KANK3: variants seen among roughly 807,000 people sequenced by gnomAD.
The protein encoded by KANK3 is KN motif and ankyrin repeat domain-containing protein 3.
A neutral mutation model predicts 65.4 loss-of-function variants in KANK3; 61 were observed. That is an observed-to-expected ratio of 0.93 (90% CI 0.76 to 1.15). The LOEUF is 1.15. Among genes scored for constraint, KANK3 ranks in the 50% most tolerant of loss-of-function variants. The pLI, the probability that KANK3 is intolerant of heterozygous loss-of-function variation, is 0.00. For synonymous variants in KANK3, 586 were observed against 543.3 expected (o/e 1.08, Z -1.09); for missense variants, 1,187 against 1,178.8 (o/e 1.01, Z -0.10).
intron 1 of KANK3, among the ~76,000 whole-genome samples, chr19:8,340,668 C>T (rs1970712865): frequency 6.6e-6 from 1 of 152,178 alleles, no homozygotes; most frequent in Admixed American, 6.6e-5. Context: ...TGAGCACCCA[C>T]CAGCCCTCCT....
intron 10 of KANK3, among the ~76,000 whole-genome samples, chr19:8,324,078 C>T (rs1383440298): frequency 1.3e-5 from 2 of 152,214 alleles, no homozygotes; most frequent in Non-Finnish European, 2.9e-5. Context: ...GACTCAGTCT[C>T]ATGACCTGGG....
chr19:8,332,987 T>TTCCCCCCCCCCCCCC, intron 7 of KANK3, 27 bp downstream of exon 7: 1 of 395,198 alleles, frequency 2.5e-6, no homozygotes, highest in Non-Finnish European at 4.8e-6. Context: ...TTTCCTGGTG[T>TTCCCCCCCCCCCCCC]CCCACCCACC....
intron 2 of KANK3, among the ~76,000 whole-genome samples, chr19:8,336,583 TATACAC>T (rs748942966): frequency 7.1e-5 from 8 of 112,130 alleles, no homozygotes; most frequent in Admixed American, 1.0e-4. Context: ...AAAATATATA[TATACAC>T]ATATACATAT....
rs374896220 is a variant in KANK3 at position 8,324,529 on chromosome 19, C to T, written c.2302G>A (p.Ala768Thr). The T allele has an allele frequency of 5.9e-5, 96 of 1,613,652 alleles. No individual in the cohort carries two copies. The highest frequency in any genetic ancestry group is 7.7e-5 in the Non-Finnish European group (91 of 1,179,870). Residue 768 changes from alanine (A) to threonine (T), a missense_variant, in exon 10 of 11, where the codon GCC (alanine) becomes ACC (threonine). Physicochemically the swap from Ala to Thr is moderately conservative, Grantham distance 58. Transcript: ENST00000330915. ...TCCTGCTCAGCCTCCAGGGCGATGG[C>T]CAGGGCACTGGTGCCCTCCTGTGGA... Reference protein sequence around the residue: ...ILDNEGTSALAIALEAEQDEV... With the variant: ...ILDNEGTSALTIALEAEQDEV...
intron 7 of KANK3, among the ~76,000 whole-genome samples, chr19:8,326,488 A>T (rs1205442646): frequency 5.5e-4 from 14 of 25,280 alleles, no homozygotes; most frequent in Non-Finnish European, 2.3e-4. Context: ...TTGTAAAAAA[A>T]AAAAAAAAAA....
chr19:8,327,785 TG>T (rs1346209280), intron 7 of KANK3, among the ~76,000 whole-genome samples: 1 of 152,062 alleles, frequency 6.6e-6, no homozygotes, highest in East Asian at 1.9e-4. Context: ...AAAAAGGGGT[TG>T]GGGGGACGTT....
intron 7 of KANK3, 50 bp downstream of exon 7, chr19:8,332,964 C>CT: frequency 7.8e-7 from 1 of 1,289,916 alleles, no homozygotes. Flanking sequence ...CCCCTGCCCT[C>CT]TCCCCCCACC....
intron 10 of KANK3, 25 bp downstream of exon 10, chr19:8,324,422 GTT>G: frequency 1.3e-6 from 2 of 1,557,744 alleles, no homozygotes; most frequent in South Asian, 1.2e-5. Flanking sequence ...AGCTGGGAAA[GTT>G]TGTTTCTTCC....
rs773417305 is a variant in KANK3 at position 8,333,739 on chromosome 19, T to A, written c.1704A>T (p.Gly568=). The A allele has an allele frequency of 6.8e-7, 1 of 1,466,110 alleles. No individual in the cohort carries two copies. The highest frequency in any genetic ancestry group is 1.4e-5 in the South Asian group (1 of 73,562). 90.8% of individuals were successfully genotyped at this position (1,466,110 alleles called of 1,614,324 possible). A position where few individuals can be genotyped will look rare whatever the true frequency, so the allele number is the denominator to read the frequency against. ...GGGCACTCACGCCGTCGCTGGCTAC[T>A]CCGCGGGGCCGGCTCAGCTGCCGCT... The part of the protein sequence containing the change: ...ALQRQLSRPR[G]VASDGGAVRL... The change falls in exon 6 of 11, where the codon GGA becomes GGT. Residue 568 remains glycine (G), a synonymous_variant. Coordinates refer to ENST00000330915, the MANE Select transcript of KANK3 (RefSeq NM_198471.3). This position sits in a 1 kb window ranked among gnomAD's most constrained non-coding sequence, Gnocchi z 5.0.
In KANK3 at chr19:8,333,078, G is replaced by C; in HGVS notation, c.1872C>G (p.Asn624Lys). Residue 624 changes from asparagine to lysine, a missense_variant, in exon 7 of 11, where the codon AAC (asparagine) becomes AAG (lysine). Asn to Lys is a moderately conservative substitution (Grantham distance 94, BLOSUM62 0). Around this residue, in one of 3 missense-constraint regions of KANK3, gnomAD observed 1,078 missense variants for 1,038.2 expected, o/e 1.04. Transcript: ENST00000330915. The surrounding 1 kb of genome is among the most constrained non-coding windows in gnomAD (Gnocchi z 5.0). ...HVVNLADGNG[N>K]TALHYSVSHG... ...GGGACACACTGTAGTGCAGGGCCGT[G>C]TTCCCGTTGCCATCCGCCAGGTTCA... 6.2e-7 allele frequency: 1 copy of C among 1,612,758 alleles called. No individual in the cohort carries two copies. Among genetic ancestry groups the C allele is most frequent in the Non-Finnish European group, 8.5e-7 (1 of 1,179,826 alleles).
chr19:8,334,412 G>C lies in KANK3; in HGVS notation c.1335C>G (p.Leu445=). Residue 445 remains leucine (L), a synonymous_variant, in exon 4 of 11, where the codon CTC becomes CTG. Transcript: ENST00000330915. ...CGTCTCTCTTCTTCATGATGGATTT[G>C]AGGATGCCTGGCGGGGATGAGATGA... The part of the protein sequence containing the change: ...GDRAVAPAGI[L]KSIMKKRDGT... The C allele has an allele frequency of 9.9e-6, 16 of 1,613,934 alleles. No individual in the cohort carries two copies. The highest frequency in any genetic ancestry group is 1.4e-5 in the Non-Finnish European group (16 of 1,180,004).
In KANK3 at chr19:8,333,721, C is replaced by G. The variant is rs1970572212; in HGVS notation, c.1719+3G>C. ...CCTGGTGCTGCGCTCCCGGGGCACT[C>G]ACGCCGTCGCTGGCTACTCCGCGGG... On this transcript the variant is annotated splice_donor_region_variant and intron_variant, in intron 6 of 10. Transcript: ENST00000330915. This position sits in a 1 kb window ranked among gnomAD's most constrained non-coding sequence, Gnocchi z 5.0. 6.9e-7 allele frequency: 1 copy of G among 1,452,768 alleles called. No homozygotes were observed. Among genetic ancestry groups the G allele is most frequent in the Non-Finnish European group, 9.1e-7 (1 of 1,100,554 alleles). 90.0% of individuals were successfully genotyped at this position (1,452,768 alleles called of 1,614,324 possible).
rs746505913 is a variant in KANK3 at position 8,333,080 on chromosome 19, T to G, written c.1870A>C (p.Asn624His). 2 of 1,520,458 alleles carry G rather than the reference T, an allele frequency of 1.3e-6. No individual in the cohort carries two copies. Among genetic ancestry groups the G allele is most frequent in the Non-Finnish European group, 1.8e-6 (2 of 1,120,898 alleles). 94.2% of individuals were successfully genotyped at this position (1,520,458 alleles called of 1,614,324 possible). A position where few individuals can be genotyped will look rare whatever the true frequency, so the allele number is the denominator to read the frequency against. Residue 624 changes from asparagine (N) to histidine (H), a missense_variant, in exon 7 of 11, where the codon AAC (asparagine) becomes CAC (histidine). This residue lies in a region of KANK3 where 1,078 missense variants were observed against 1,038.2 expected (regional missense o/e 1.04). Coordinates refer to ENST00000330915, the MANE Select transcript of KANK3 (RefSeq NM_198471.3). This position sits in a 1 kb window ranked among gnomAD's most constrained non-coding sequence, Gnocchi z 5.0. ...GACACACTGTAGTGCAGGGCCGTGT[T>G]CCCGTTGCCATCCGCCAGGTTCACC... The part of the protein sequence containing the change: ...HVVNLADGNG[N>H]TALHYSVSHG...
At chr19:8,330,297 C>A (rs558294020) in intron 7 of KANK3, among the ~76,000 whole-genome samples, 1 of 152,154 alleles carries the variant, frequency 6.6e-6, no homozygotes, top group East Asian at 1.9e-4. Flanking sequence ...AGAGGTGGAG[C>A]CAAATGGGAA....
rs1213300424 is a variant in KANK3, at chr19:8,329,355, C to T, written c.1936+3659G>A. Among the ~76,000 whole-genome samples the T allele has an allele frequency of 3.3e-5, 5 of 151,288 alleles. No homozygotes were observed. The Middle Eastern group carries it at 0.01, about 309-fold the overall frequency. ...TACAAAAATTAGCCGGGCATGATGGCGCTTGCCAGTAATCCCAGCTACTCG... is the reference window on the plus strand; with the variant it reads ...TACAAAAATTAGCCGGGCATGATGGTGCTTGCCAGTAATCCCAGCTACTCG... On this transcript the variant is annotated intron_variant, in intron 7 of 10. Transcript: ENST00000330915.
intron 2 of KANK3, among the ~76,000 whole-genome samples, chr19:8,337,588 C>CAAG (rs1568578915): frequency 6.6e-6 from 1 of 151,580 alleles, no homozygotes; most frequent in Non-Finnish European, 1.5e-5. Flanking sequence ...TCAAGTGATC[C>CAAG]GCCCACCGTG....
intron 7 of KANK3, among the ~76,000 whole-genome samples, chr19:8,329,768 T>C (rs1474674432): frequency 4.6e-5 from 7 of 152,160 alleles, no homozygotes; most frequent in Non-Finnish European, 1.0e-4. Flanking sequence ...CCTTGGGGGA[T>C]TGGCTCACTG....
At chr19:8,332,933 G>A (rs552452328) in intron 7 of KANK3, 81 bp downstream of exon 7, 1 of 1,174,070 alleles carries the variant, frequency 8.5e-7, no homozygotes, top group Admixed American at 2.0e-5. Context: ...TTCCTCTCCA[G>A]AGTCTTTGAG....
intron 7 of KANK3, among the ~76,000 whole-genome samples, chr19:8,328,738 AT>A (rs1377653055): frequency 1.3e-5 from 2 of 152,010 alleles, no homozygotes; most frequent in African/African-American, 4.8e-5. Flanking sequence ...GAGAAGTGAG[AT>A]TCTGTAACGG....
Sources: gnomAD v4.1 joint callset for allele counts (sites outside exome capture counted in the v4.1 genomes callset) on GRCh38, gnomAD v4.1.1 for gene constraint, gnomAD v4.1.1 regional missense constraint, Gnocchi (gnomAD v3.1) non-coding constraint, MANE v1.5 for transcripts, NCBI Gene and HGNC (gene_info 2026-07-23, HGNC 2026-07-21) for gene names.